The following KLHL32 variants were observed in gnomAD, a reference collection of about 807,000 sequenced individuals.
KLHL32 encodes the protein kelch like family member 32.
KLHL32 carries 35 observed loss-of-function variants against 64.8 expected under a neutral mutation model. That is an observed-to-expected ratio of 0.54 (90% CI 0.41 to 0.72). The LOEUF (loss-of-function observed/expected upper bound fraction) is 0.72. Among genes scored for constraint, KLHL32 ranks in the 30% least tolerant of loss-of-function variants. KLHL32 has a pLI of 0.00. For missense variants in KLHL32, 589 were observed against 768.5 expected, an observed-to-expected ratio of 0.77 and a Z score of 2.76; for synonymous variants, 259 against 281.0, an observed-to-expected ratio of 0.92 and a Z score of 0.78.
chr6:96,920,367 T>C (rs1327259669), upstream of KLHL32, among the ~76,000 whole-genome samples: 1 of 152,122 alleles, frequency 6.6e-6, no homozygotes, highest in Non-Finnish European at 1.5e-5. Flanking sequence ...GAGGAGAGAA[T>C]ATGTGCCCTA....
intron 6 of KLHL32, among the ~76,000 whole-genome samples, chr6:97,087,572 G>A (rs1259866879): frequency 1.3e-5 from 2 of 152,194 alleles, no homozygotes; most frequent in African/African-American, 4.8e-5. Flanking sequence ...GAAGCAAAAG[G>A]TGTTGGGGAG....
chr6:97,064,206 A>G (rs562466339), intron 4 of KLHL32, among the ~76,000 whole-genome samples: 1 of 152,348 alleles, frequency 6.6e-6, no homozygotes, highest in Admixed American at 6.5e-5. Flanking sequence ...CCCTTTCCCT[A>G]AAATACCTGT....
the KLHL32 span, among the ~76,000 whole-genome samples, chr6:96,906,229 T>G: frequency 6.6e-6 from 1 of 152,188 alleles, no homozygotes; most frequent in African/African-American, 2.4e-5. Context: ...ACTTCTAACC[T>G]ACAGAACCAT....
chr6:96,998,046 T>C (rs902835915), intron 3 of KLHL32, among the ~76,000 whole-genome samples: 5 of 152,200 alleles, frequency 3.3e-5, no homozygotes, highest in African/African-American at 1.2e-4. Context: ...TTGACAGTAA[T>C]TTTTGCTTCC....
chr6:96,985,054 T>C (rs56894957), intron 3 of KLHL32, among the ~76,000 whole-genome samples: 4 of 152,202 alleles, frequency 2.6e-5, no homozygotes, highest in South Asian at 2.1e-4. Context: ...GGAGCTCTTG[T>C]AGGGCAGGCC....
chr6:97,064,588 G>A, intron 4 of KLHL32, 40 bp from the exon 5 acceptor site: 1 of 1,432,226 alleles, frequency 7.0e-7, no homozygotes, highest in South Asian at 1.2e-5. Flanking sequence ...ATATTTTTAA[G>A]TGTAACTGAT....
chr6:97,114,449 T>C lies in KLHL32; in HGVS notation c.1294T>C (p.Phe432Leu), dbSNP rs750676426. 6.2e-7 allele frequency: 1 copy of C among 1,614,210 alleles called. No individual in the cohort carries two copies. Among genetic ancestry groups the C allele is most frequent in the Non-Finnish European group, 8.5e-7 (1 of 1,180,038 alleles). Residue 432 changes from phenylalanine to leucine, a missense_variant, in exon 7 of 11, where the codon TTT (phenylalanine) becomes CTT (leucine). Transcript: ENST00000369261. ...GAACAAATGGACTTTTGTTCAGTCC[T>C]TTGACAGATCCCTTTCATGCCATGC... ...KKNKWTFVQS[F>L]DRSLSCHAGY...
intron 1 of KLHL32, among the ~76,000 whole-genome samples, chr6:96,963,564 A>G (rs1329274181): frequency 6.6e-6 from 1 of 152,130 alleles, no homozygotes; most frequent in Non-Finnish European, 1.5e-5. Flanking sequence ...CTGAGGAGGC[A>G]TATTTTGGGG....
chr6:97,072,790 A>T (rs1043046108), intron 5 of KLHL32, among the ~76,000 whole-genome samples: 1 of 152,140 alleles, frequency 6.6e-6, no homozygotes, highest in Non-Finnish European at 1.5e-5. Context: ...AGTTGGAATT[A>T]TATCTTCCTC....
chr6:96,986,713 C>G (rs970341551), intron 3 of KLHL32, among the ~76,000 whole-genome samples: 2 of 152,208 alleles, frequency 1.3e-5, no homozygotes, highest in Non-Finnish European at 2.9e-5. Flanking sequence ...TTGCTAAGAC[C>G]GTTGGAAAAG....
chr6:97,041,798 T>C lies in KLHL32; in HGVS notation c.312+199T>C, dbSNP rs191117489. On this transcript the variant is annotated intron_variant, in intron 4 of 10. Transcript: ENST00000369261. ...AATTTGATTTTTTAATATGATCCAG[T>C]GAACATAGTATTTTAAATTTAACTC... is the stretch of plus-strand genomic sequence containing the variant. Among the ~76,000 whole-genome samples, 3 of 152,342 alleles carry C rather than the reference T, an allele frequency of 2.0e-5. No homozygotes were observed. In the East Asian group the frequency reaches 5.8e-4, roughly 29 times the overall value.
At chr6:96,956,686 C>G (rs188335500) in intron 1 of KLHL32, among the ~76,000 whole-genome samples, 269 of 152,330 alleles carry the variant, frequency 1.8e-3, no homozygotes, top group Admixed American at 4.6e-3. Flanking sequence ...TTACCTTAAG[C>G]ATTTCAGCTT....
At chr6:97,119,163 TG>T (rs1252159546) in intron 7 of KLHL32, among the ~76,000 whole-genome samples, 1 of 152,172 alleles carries the variant, frequency 6.6e-6, no homozygotes, top group African/African-American at 2.4e-5. Context: ...TGGCTCTACC[TG>T]TGGGAGGAGG....
chr6:96,942,678 T>C (rs1771451128), intron 1 of KLHL32, among the ~76,000 whole-genome samples: 3 of 151,436 alleles, frequency 2.0e-5, no homozygotes, highest in Admixed American at 2.0e-4. Context: ...TGTGTGTGTG[T>C]GTGTGTGTGT....
At chr6:96,988,972 G>T (rs1777501977) in intron 3 of KLHL32, among the ~76,000 whole-genome samples, 1 of 152,028 alleles carries the variant, frequency 6.6e-6, no homozygotes, top group South Asian at 2.1e-4. Context: ...GGGGAGGGAG[G>T]AGGGATAGCA....
intron 6 of KLHL32, among the ~76,000 whole-genome samples, chr6:97,092,487 T>C (rs1416573070): frequency 1.3e-5 from 2 of 152,220 alleles, no homozygotes; most frequent in Admixed American, 6.5e-5. Flanking sequence ...CCCAACTACA[T>C]ACAGTTTTTT....
At chr6:97,098,977 C>T (rs1170185728) in intron 6 of KLHL32, among the ~76,000 whole-genome samples, 1 of 152,202 alleles carries the variant, frequency 6.6e-6, no homozygotes, top group Non-Finnish European at 1.5e-5. Context: ...GGATCTGTGA[C>T]AATGAATTAT....
At position 97,123,820 on chromosome 6, in the gene KLHL32, C is replaced by T. The variant is rs73758115; in HGVS notation, c.1355-3584C>T. 9.0e-3 allele frequency among the ~76,000 whole-genome samples: 1,376 copies of T among 152,224 alleles called. 21 individuals carry two copies. Among genetic ancestry groups the T allele is most frequent in the African/African-American group, 0.032 (1,323 of 41,538 alleles). On this transcript the variant is annotated intron_variant, in intron 7 of 10. Coordinates refer to ENST00000369261, the MANE Select transcript of KLHL32 (RefSeq NM_052904.4). ...AGTATAGCAGCATGTGGCATCGTAA[C>T]CCAGAGCAGACAAATCAGCTTGATG...
At chr6:97,062,001 C>T (rs184526728) in intron 4 of KLHL32, among the ~76,000 whole-genome samples, 3 of 152,244 alleles carry the variant, frequency 2.0e-5, no homozygotes, top group African/African-American at 7.2e-5. Flanking sequence ...CCTTTAAGAG[C>T]ACTTAGAGAT....
Sources: allele counts gnomAD v4.1 joint callset (sites outside exome capture counted in the v4.1 genomes callset), GRCh38; gene constraint gnomAD v4.1.1; transcripts MANE v1.5; gene names NCBI Gene and HGNC (gene_info 2026-07-23, HGNC 2026-07-21).